ACYP2: variants seen among roughly 807,000 people sequenced by gnomAD.
The protein encoded by ACYP2 is acylphosphatase 2, also known as acylphosphatase-2.
A neutral mutation model predicts 11.2 loss-of-function variants in ACYP2; 12 were observed. The ratio of observed to expected loss-of-function variants is 1.08; its 90% CI spans 0.69 to 1.74. The LOEUF (loss-of-function observed/expected upper bound fraction) is 1.74, where lower values mean the gene tolerates loss of function less well. Among genes scored for constraint, ACYP2 ranks in the 40% most tolerant of loss-of-function variants. ACYP2 has a pLI of 0.00. For missense variants in ACYP2, 134 were observed against 101.9 expected, an observed-to-expected ratio of 1.31 and a Z score of -1.35; for synonymous variants, 43 against 32.2, an observed-to-expected ratio of 1.33 and a Z score of -1.13.
intron 4 of ACYP2, 43 bp from the exon 1 acceptor site, chr2:54,115,572 C>A (rs1193151482): frequency 2.6e-6 from 4 of 1,529,344 alleles, no homozygotes; most frequent in Non-Finnish European, 1.8e-6. Context: ...GGCGCGCTAG[C>A]GTCCGGGACC....
rs531413535 is a variant in ACYP2 at position 54,287,525 on chromosome 2, C to G, written c.405-17163C>G. On this transcript the variant is annotated intron_variant, in intron 6 of 6. Coordinates refer to ENST00000607452, the MANE Select transcript of ACYP2 (RefSeq NM_001320586.2). Reference sequence around the variant, plus strand: ...CTCATAGAATGTGTTAGAGGTGACACTGAGTGTCTTCCAAGACTAGGTTAG... The same window carrying G: ...CTCATAGAATGTGTTAGAGGTGACAGTGAGTGTCTTCCAAGACTAGGTTAG... 1.1e-4 allele frequency among the ~76,000 whole-genome samples: 16 copies of G among 152,136 alleles called. No individual in the cohort carries two copies. In the South Asian group the frequency reaches 2.9e-3, roughly 28 times the overall value.
intron 2 of ACYP2, among the ~76,000 whole-genome samples, chr2:54,039,080 G>C (rs28416116): frequency 0.067 from 10,238 of 152,116 alleles, 438 homozygotes; most frequent in Non-Finnish European, 0.094. Context: ...AAAGGGTGGG[G>C]AGCGTGCTCC....
intron 6 of ACYP2, among the ~76,000 whole-genome samples, chr2:54,153,065 C>T (rs1026503037): frequency 2.6e-5 from 4 of 151,888 alleles, no homozygotes; most frequent in Admixed American, 2.6e-4. Flanking sequence ...CAGTTTTCCC[C>T]CTATGTTTTC....
chr2:53,996,634 T>G (rs949148427), intron 2 of ACYP2, among the ~76,000 whole-genome samples: 15 of 152,184 alleles, frequency 9.9e-5, no homozygotes, highest in African/African-American at 3.4e-4. Context: ...TGTGGTAGAT[T>G]CCAAAGGTGC....
At chr2:54,173,961 A>G (rs1452281744) in intron 6 of ACYP2, among the ~76,000 whole-genome samples, 1 of 152,144 alleles carries the variant, frequency 6.6e-6, no homozygotes, top group Non-Finnish European at 1.5e-5. Context: ...GAAGTCAGGT[A>G]GTGTGATGCC....
At chr2:54,277,452 G>C (rs775938721) in intron 6 of ACYP2, among the ~76,000 whole-genome samples, 3 of 152,092 alleles carry the variant, frequency 2.0e-5, no homozygotes, top group Admixed American at 6.6e-5. Context: ...GGTTGAGGCG[G>C]GTGGATCATG....
At chr2:54,093,773 T>C (rs924787195) in intron 4 of ACYP2, among the ~76,000 whole-genome samples, 4 of 152,110 alleles carry the variant, frequency 2.6e-5, no homozygotes, top group African/African-American at 9.7e-5. Flanking sequence ...AACCCGTCTC[T>C]ACTAAAAATA....
chr2:54,013,678 G>A (rs1673520495), intron 2 of ACYP2, among the ~76,000 whole-genome samples: 1 of 150,268 alleles, frequency 6.7e-6, no homozygotes, highest in Non-Finnish European at 1.5e-5. Flanking sequence ...GTTCTATGAC[G>A]AGTTTATTTA....
intron 4 of ACYP2, among the ~76,000 whole-genome samples, chr2:54,074,850 T>C (rs1246573712): frequency 1.3e-5 from 2 of 152,090 alleles, no homozygotes; most frequent in African/African-American, 4.8e-5. Flanking sequence ...CTTCAAATGA[T>C]TGGATGAGGT....
intron 2 of ACYP2, among the ~76,000 whole-genome samples, chr2:53,996,289 T>C (rs1461797291): frequency 6.6e-6 from 1 of 152,014 alleles, no homozygotes; most frequent in South Asian, 2.1e-4. Flanking sequence ...TGAAATAAAG[T>C]TGGAAGTGCA....
At chr2:54,165,989 C>T (rs1398876935) in intron 6 of ACYP2, among the ~76,000 whole-genome samples, 2 of 152,202 alleles carry the variant, frequency 1.3e-5, no homozygotes, top group African/African-American at 2.4e-5. Context: ...AAAACACACA[C>T]ATGTGACACT....
intron 6 of ACYP2, among the ~76,000 whole-genome samples, chr2:54,211,417 T>C (rs1002551206): frequency 1.3e-5 from 2 of 152,228 alleles, no homozygotes; most frequent in African/African-American, 2.4e-5. Flanking sequence ...TATGTAAGTT[T>C]GATGTGTGTT....
At chr2:54,103,480 C>T (rs1679008087) in intron 4 of ACYP2, among the ~76,000 whole-genome samples, 1 of 151,936 alleles carries the variant, frequency 6.6e-6, no homozygotes, top group Non-Finnish European at 1.5e-5. Flanking sequence ...CATTTGCTTC[C>T]TAACTTTGTT....
intron 6 of ACYP2, among the ~76,000 whole-genome samples, chr2:54,154,563 G>T (rs545195426): frequency 6.6e-6 from 1 of 152,174 alleles, no homozygotes; most frequent in Admixed American, 6.5e-5. Flanking sequence ...CTGTTAATAT[G>T]GTGTTCTCCA....
chr2:53,988,122 C>T (rs886943627), intron 2 of ACYP2, among the ~76,000 whole-genome samples: 14 of 152,074 alleles, frequency 9.2e-5, no homozygotes, highest in African/African-American at 3.4e-4. Context: ...CCCAGTGACT[C>T]GAGAGGCTGA....
chr2:54,078,013 A>C (rs1234434513), intron 4 of ACYP2, among the ~76,000 whole-genome samples: 10 of 148,688 alleles, frequency 6.7e-5, no homozygotes, highest in Non-Finnish European at 1.5e-4. Context: ...TCTGTCACCC[A>C]GGCTGGAGTG....
chr2:54,290,723 A>T (rs1689267250), intron 6 of ACYP2, among the ~76,000 whole-genome samples: 1 of 152,022 alleles, frequency 6.6e-6, no homozygotes, highest in African/African-American at 2.4e-5. Flanking sequence ...TTGGTGGGAG[A>T]TGGAGAGATC....
At chr2:54,014,791 GCTCTGT>G (rs1673589142) in intron 2 of ACYP2, among the ~76,000 whole-genome samples, 1 of 150,870 alleles carries the variant, frequency 6.6e-6, no homozygotes, top group South Asian at 2.1e-4. Flanking sequence ...ACAGGGTCTT[GCTCTGT>G]CCCCTGGGCT....
intron 4 of ACYP2, among the ~76,000 whole-genome samples, chr2:54,070,921 TG>T (rs1677008038): frequency 3.3e-5 from 5 of 151,870 alleles, no homozygotes; most frequent in African/African-American, 1.2e-4. Flanking sequence ...TTTGTTTGTT[TG>T]TTTGTTTTTT....
Sources: allele counts gnomAD v4.1 joint callset (sites outside exome capture counted in the v4.1 genomes callset), GRCh38; gene constraint gnomAD v4.1.1; transcripts MANE v1.5; gene names NCBI Gene and HGNC (gene_info 2026-07-23, HGNC 2026-07-21).